The following ELMO1 variants were observed in gnomAD, a reference collection of about 807,000 sequenced individuals.
The protein encoded by ELMO1 is engulfment and cell motility 1, also known as engulfment and cell motility protein 1.
A neutral mutation model predicts 98.9 loss-of-function variants in ELMO1; 26 were observed. The observed-to-expected ratio is 0.26, with a 90% CI of 0.19 to 0.36. The LOEUF is 0.36. Among genes scored for constraint, ELMO1 ranks in the 10% least tolerant of loss-of-function variants. The probability of loss-of-function intolerance (pLI) is 1.00; values close to 1 mark genes in which losing one functional copy is unlikely to be tolerated. For missense variants in ELMO1, 627 were observed against 935.2 expected (o/e 0.67, Z 4.30); for synonymous variants, 346 against 346.0 (o/e 1.00, Z 0.00).
chr7:37,368,415 T>C (rs1331773078), intron 1 of ELMO1, among the ~76,000 whole-genome samples: 2 of 152,190 alleles, frequency 1.3e-5, no homozygotes, highest in East Asian at 3.8e-4. Context: ...AAATGATTCA[T>C]CACAATACGG....
At chr7:37,125,416 C>A (rs1353182574) in intron 14 of ELMO1, among the ~76,000 whole-genome samples, 1 of 152,134 alleles carries the variant, frequency 6.6e-6, no homozygotes, top group East Asian at 1.9e-4. Context: ...CCAGAATCTA[C>A]AAAGAACTCA....
At chr7:37,355,316 A>G (rs1801455603) in intron 1 of ELMO1, among the ~76,000 whole-genome samples, 1 of 152,228 alleles carries the variant, frequency 6.6e-6, no homozygotes, top group Non-Finnish European at 1.5e-5. Flanking sequence ...TAAAGCAATT[A>G]GAGTAGTGCC....
intron 7 of ELMO1, among the ~76,000 whole-genome samples, 199 bp from the exon 8 acceptor site, chr7:37,233,393 CTT>C (rs199525779): frequency 0.021 from 3,191 of 152,060 alleles, 57 homozygotes; most frequent in Non-Finnish European, 0.032. Context: ...GCAGGACGGC[CTT>C]GATGAGGTCA....
At chr7:37,052,538 T>C (rs1417928331) in intron 15 of ELMO1, among the ~76,000 whole-genome samples, 1 of 152,212 alleles carries the variant, frequency 6.6e-6, no homozygotes, top group East Asian at 1.9e-4. Context: ...ATTCAATGAA[T>C]GTATACCATG....
At chr7:37,411,330 C>T (rs1230012806) in intron 1 of ELMO1, among the ~76,000 whole-genome samples, 3 of 152,120 alleles carry the variant, frequency 2.0e-5, no homozygotes, top group Non-Finnish European at 2.9e-5. Context: ...TATTTTAAAA[C>T]GAAATCACTG....
At chr7:37,410,333 T>C (rs1803946199) in intron 1 of ELMO1, among the ~76,000 whole-genome samples, 1 of 152,244 alleles carries the variant, frequency 6.6e-6, no homozygotes, top group East Asian at 1.9e-4. Flanking sequence ...AAAACAAGTT[T>C]AGTAAAACCT....
chr7:37,133,052 A>G, intron 14 of ELMO1, 78 bp downstream of exon 14: 1 of 1,095,570 alleles, frequency 9.1e-7, no homozygotes, highest in Admixed American at 2.9e-5. Context: ...ATCTAAAGGT[A>G]ATCCCTCCGT....
chr7:37,433,600 AG>A (rs1483921992), intron 1 of ELMO1, among the ~76,000 whole-genome samples: 1 of 152,070 alleles, frequency 6.6e-6, no homozygotes, highest in African/African-American at 2.4e-5. Context: ...TCACCTGATT[AG>A]GAATTCTGGG....
At chr7:37,353,630 C>T (rs1314801800) in intron 1 of ELMO1, 1 of 152,106 alleles carries the variant, frequency 6.6e-6, no homozygotes, top group Admixed American at 6.5e-5. Context: ...TGGAAGGGGA[C>T]CCAGGTTGCT....
chr7:36,944,656 GA>G (rs1281368767), intron 16 of ELMO1, among the ~76,000 whole-genome samples: 3 of 152,198 alleles, frequency 2.0e-5, no homozygotes, highest in Non-Finnish European at 4.4e-5. Context: ...GGAGCTCCTT[GA>G]AGTCAACGGG....
At chr7:37,153,968 G>A (rs1197756025) in intron 13 of ELMO1, among the ~76,000 whole-genome samples, 1 of 152,058 alleles carries the variant, frequency 6.6e-6, no homozygotes, top group Non-Finnish European at 1.5e-5. Context: ...GGAAGGATCA[G>A]GCAGCAATAT....
intron 18 of ELMO1, among the ~76,000 whole-genome samples, chr7:36,887,186 T>C (rs1198168094): frequency 6.6e-6 from 1 of 152,198 alleles, no homozygotes; most frequent in African/African-American, 2.4e-5. Flanking sequence ...GAGGATAAAA[T>C]GCTTTATAAA....
intron 15 of ELMO1, among the ~76,000 whole-genome samples, chr7:37,025,900 TCTA>T: frequency 8.5e-6 from 1 of 117,374 alleles, no homozygotes; most frequent in African/African-American, 3.5e-5. Flanking sequence ...ATATATTCTA[TCTA>T]TCTATCTATC....
At chr7:37,297,768 C>T (rs1798116116) in intron 4 of ELMO1, among the ~76,000 whole-genome samples, 1 of 152,130 alleles carries the variant, frequency 6.6e-6, no homozygotes, top group South Asian at 2.1e-4. Flanking sequence ...GGCCAAGTGC[C>T]TTGCAAACTG....
At chr7:36,910,096 G>A (rs1430929521) in intron 16 of ELMO1, among the ~76,000 whole-genome samples, 2 of 152,170 alleles carry the variant, frequency 1.3e-5, no homozygotes, top group Admixed American at 1.3e-4. Context: ...GATTAGTATA[G>A]AACTCAACTC....
chr7:36,944,142 T>C lies in ELMO1; in HGVS notation c.1438-49125A>G, dbSNP rs535386530. Among the ~76,000 whole-genome samples, 18 of 152,272 alleles carry C rather than the reference T, an allele frequency of 1.2e-4. No individual in the cohort carries two copies. In the South Asian group the frequency reaches 3.7e-3, roughly 32 times the overall value. On this transcript the variant is annotated intron_variant, in intron 16 of 21. Coordinates refer to ENST00000310758, the MANE Select transcript of ELMO1 (RefSeq NM_014800.11). Reference sequence around the variant, plus strand: ...CGTTACATAGATTAACTATTCCTCATGGCAACTTTCCCTATTTTAAACATA... The same window carrying C: ...CGTTACATAGATTAACTATTCCTCACGGCAACTTTCCCTATTTTAAACATA...
At chr7:37,207,807 T>C (rs565635958) in intron 13 of ELMO1, among the ~76,000 whole-genome samples, 5 of 152,252 alleles carry the variant, frequency 3.3e-5, no homozygotes, top group African/African-American at 1.2e-4. Flanking sequence ...CTGGGTGTGG[T>C]GGTGGGCACC....
intron 15 of ELMO1, among the ~76,000 whole-genome samples, chr7:37,031,683 T>C (rs1309249600): frequency 6.6e-6 from 1 of 152,218 alleles, no homozygotes; most frequent in Non-Finnish European, 1.5e-5. Context: ...GGCTTAGGAC[T>C]ACGCCTTCTC....
chr7:37,324,137 G>C (rs1230301555), intron 2 of ELMO1, among the ~76,000 whole-genome samples: 1 of 152,164 alleles, frequency 6.6e-6, no homozygotes, highest in East Asian at 1.9e-4. Context: ...GATGAGCACT[G>C]GCAGGCCCTG....
Sources: gnomAD v4.1 joint callset for allele counts (sites outside exome capture counted in the v4.1 genomes callset) on GRCh38, gnomAD v4.1.1 for gene constraint, MANE v1.5 for transcripts, NCBI Gene and HGNC (gene_info 2026-07-23, HGNC 2026-07-21) for gene names.